RFX4: variants seen among roughly 807,000 people sequenced by gnomAD.
RFX4 encodes regulatory factor X4.
A neutral mutation model predicts 95.0 loss-of-function variants in RFX4; 10 were observed. The observed-to-expected ratio is 0.11, with a 90% CI of 0.06 to 0.18. The LOEUF (loss-of-function observed/expected upper bound fraction) is 0.18. Among genes scored for constraint, RFX4 ranks in the 10% least tolerant of loss-of-function variants. The pLI is 1.00. For missense variants in RFX4, 640 were observed against 922.0 expected, an observed-to-expected ratio of 0.69 and a Z score of 3.96; for synonymous variants, 321 against 340.7, an observed-to-expected ratio of 0.94 and a Z score of 0.64.
chr12:106,601,278 T>C (rs905861349), intron 1 of RFX4: 4 of 1,590,040 alleles, frequency 2.5e-6, no homozygotes, highest in African/African-American at 2.7e-5. Flanking sequence ...TGAGACAGAA[T>C]GATCAAAAGG....
intron 5 of RFX4, among the ~76,000 whole-genome samples, chr12:106,686,470 T>G (rs1232612738): frequency 1.4e-5 from 2 of 148,058 alleles, no homozygotes; most frequent in African/African-American, 2.5e-5. Context: ...GCCAAATGAA[T>G]TTTTATTAGA....
chr12:106,643,160 G>A (rs1164497300), intron 3 of RFX4, among the ~76,000 whole-genome samples: 4 of 152,204 alleles, frequency 2.6e-5, no homozygotes, highest in Non-Finnish European at 4.4e-5. Flanking sequence ...CTTGGGAGAG[G>A]CGGTTGCCTT....
intron 2 of RFX4, among the ~76,000 whole-genome samples, chr12:106,616,932 T>C (rs747174250): frequency 6.6e-6 from 1 of 151,302 alleles, no homozygotes; most frequent in Non-Finnish European, 1.5e-5. Flanking sequence ...GGCTAATTTT[T>C]GTATTTTTTT....
intron 1 of RFX4, among the ~76,000 whole-genome samples, chr12:106,593,661 G>A (rs2039577767): frequency 6.6e-6 from 1 of 152,196 alleles, no homozygotes; most frequent in Non-Finnish European, 1.5e-5. Flanking sequence ...GAAGAAGGAA[G>A]TGTTTCTTGG....
At chr12:106,636,193 A>T (rs2040506959) in intron 2 of RFX4, among the ~76,000 whole-genome samples, 2 of 152,126 alleles carry the variant, frequency 1.3e-5, no homozygotes, top group South Asian at 4.2e-4. Context: ...AGCCTGACCA[A>T]CATGGTGAAA....
intron 15 of RFX4, among the ~76,000 whole-genome samples, chr12:106,737,585 C>G (rs1238138396): frequency 3.9e-5 from 6 of 152,138 alleles, no homozygotes; most frequent in African/African-American, 1.2e-4. Flanking sequence ...ATTCCTTCCC[C>G]AAAGTTTCCT....
intron 1 of RFX4, among the ~76,000 whole-genome samples, chr12:106,604,233 G>T (rs1450347747): frequency 2.7e-5 from 4 of 148,590 alleles, no homozygotes; most frequent in Non-Finnish European, 5.9e-5. Context: ...TGATTCTCCT[G>T]CCTCAGCCTC....
At chr12:106,760,489 CCT>C (rs2043189966) in intron 17 of RFX4, among the ~76,000 whole-genome samples, 1 of 152,200 alleles carries the variant, frequency 6.6e-6, no homozygotes, top group Non-Finnish European at 1.5e-5. Context: ...CCTCCCCGCC[CCT>C]CTCAACTGGT....
intron 15 of RFX4, among the ~76,000 whole-genome samples, chr12:106,736,693 C>T (rs1049176534): frequency 3.9e-5 from 6 of 152,146 alleles, no homozygotes; most frequent in African/African-American, 1.4e-4. Flanking sequence ...GGGGCAACAG[C>T]GGGCATTCTC....
intron 1 of RFX4, among the ~76,000 whole-genome samples, chr12:106,599,513 G>A (rs1279195755): frequency 6.7e-6 from 1 of 150,044 alleles, no homozygotes; most frequent in African/African-American, 2.5e-5. Context: ...GATGATGAAG[G>A]TGATGGTGCT....
chr12:106,595,237 G>A (rs2039601885), intron 1 of RFX4, among the ~76,000 whole-genome samples: 2 of 152,250 alleles, frequency 1.3e-5, no homozygotes, highest in African/African-American at 2.4e-5. Context: ...ATTTGAACAC[G>A]GATTACTGTG....
At chr12:106,615,396 A>G (rs779905571) in intron 2 of RFX4, among the ~76,000 whole-genome samples, 1 of 152,152 alleles carries the variant, frequency 6.6e-6, no homozygotes, top group Non-Finnish European at 1.5e-5. Flanking sequence ...ATAAGTCGTG[A>G]TATCTGGTAG....
intron 8 of RFX4, among the ~76,000 whole-genome samples, chr12:106,700,397 CTTTTTCTTTTTTTT>C (rs2041962463): frequency 7.0e-6 from 1 of 142,798 alleles, no homozygotes; most frequent in African/African-American, 2.6e-5. Context: ...TGTATATCTT[CTTTTTCTTTTTTTT>C]TTTTTTTTTT....
At chr12:106,661,285 T>C (rs890880423) in intron 4 of RFX4, among the ~76,000 whole-genome samples, 1 of 152,246 alleles carries the variant, frequency 6.6e-6, no homozygotes. Flanking sequence ...ACTGACTCTA[T>C]GCCAGTTCCT....
intron 4 of RFX4, among the ~76,000 whole-genome samples, chr12:106,663,921 G>A (rs2041125179): frequency 6.6e-6 from 1 of 151,606 alleles, no homozygotes; most frequent in Admixed American, 6.6e-5. Flanking sequence ...ATCCCACTTG[G>A]TTATGGTGTA....
chr12:106,636,210 C>G (rs746834097), intron 2 of RFX4, among the ~76,000 whole-genome samples: 6 of 151,868 alleles, frequency 4.0e-5, no homozygotes, highest in Non-Finnish European at 8.8e-5. Context: ...GAAACCCCAT[C>G]TCTAAATGGG....
intron 9 of RFX4, among the ~76,000 whole-genome samples, chr12:106,709,703 A>G (rs546931047): frequency 2.6e-5 from 4 of 152,302 alleles, no homozygotes. Context: ...TCTGACACCA[A>G]AGTTTCTGCT....
chr12:106,649,254 C>T (rs1361014205), intron 3 of RFX4, among the ~76,000 whole-genome samples: 2 of 152,174 alleles, frequency 1.3e-5, no homozygotes, highest in African/African-American at 4.8e-5. Context: ...GGGAAGTGGA[C>T]ATTCCAATTA....
At chr12:106,658,110 A>G (rs1453712931) in intron 4 of RFX4, among the ~76,000 whole-genome samples, 1 of 152,212 alleles carries the variant, frequency 6.6e-6, no homozygotes, top group Non-Finnish European at 1.5e-5. Context: ...GGCACAGAAT[A>G]AGCCCTCAGA....
Sources: allele counts gnomAD v4.1 joint callset (sites outside exome capture counted in the v4.1 genomes callset), GRCh38; gene constraint gnomAD v4.1.1; transcripts MANE v1.5; gene names NCBI Gene and HGNC (gene_info 2026-07-23, HGNC 2026-07-21).